The following DSG1 variants were observed in gnomAD, a reference collection of about 807,000 sequenced individuals.
The protein encoded by DSG1 is desmoglein 1.
A neutral mutation model predicts 97.5 loss-of-function variants in DSG1; 39 were observed. That is an observed-to-expected ratio of 0.40 (90% confidence interval 0.31 to 0.52). The LOEUF is 0.52. Ranked by LOEUF, DSG1 falls within the 20% of genes least tolerant of loss-of-function variation. The pLI is 0.53. For synonymous variants in DSG1, 475 were observed against 443.4 expected (o/e 1.07, Z -0.90); for missense variants, 1,311 against 1,295.4 (o/e 1.01, Z -0.18).
At chr18:31,327,126 A>G (rs2071690633) in intron 3 of DSG1, 121 bp downstream of exon 3, 2 of 1,292,618 alleles carry the variant, frequency 1.5e-6, no homozygotes, top group Non-Finnish European at 2.2e-6. Context: ...GAACAGAACT[A>G]TAGTCACCTA....
chr18:31,354,119 A>G, intron 14 of DSG1, 178 bp from the exon 15 acceptor site: 1 of 617,674 alleles, frequency 1.6e-6, no homozygotes, highest in East Asian at 2.8e-5. Context: ...ATGATTTCTA[A>G]CCAAATTATT....
In DSG1 at chr18:31,338,163, T is replaced by G. The variant is rs934988947; in HGVS notation, c.1266-152T>G. On this transcript the variant is annotated intron_variant, in intron 9 of 14. Transcript: ENST00000257192. ...ATATCCCTGAGTGGCTCCATATTGC[T>G]AAGACTGCCCTGAAAAAAAATAAAG... 23 of 800,568 alleles carry G rather than the reference T, an allele frequency of 2.9e-5. No individual in the cohort carries two copies. In the East Asian group the frequency reaches 6.1e-4, roughly 21 times the overall value. 49.6% of individuals were successfully genotyped at this position (800,568 alleles called of 1,614,324 possible). A position where few individuals can be genotyped will look rare whatever the true frequency, so the allele number is the denominator to read the frequency against.
rs774143873 is a variant in DSG1 at position 31,354,445 on chromosome 18, C to T, written c.2249C>T (p.Thr750Ile). ...GACCTGGATGACAGCTTCTTGGATA[C>T]CCTGGGACCTAAATTTAAGAAGTTG... The part of the protein sequence containing the change: ...GEDLDDSFLD[T>I]LGPKFKKLAD... The change falls in exon 15 of 15, where the codon ACC becomes ATC. Residue 750 changes from threonine (T) to isoleucine (I), a missense_variant. Physicochemically the swap from Thr to Ile is moderately conservative, Grantham distance 89. Coordinates refer to ENST00000257192, the MANE Select transcript of DSG1 (RefSeq NM_001942.4). 22 of 1,614,102 alleles carry T rather than the reference C, an allele frequency of 1.4e-5. No individual in the cohort carries two copies. The East Asian group carries it at 4.0e-4, about 29-fold the overall frequency.
chr18:31,325,731 A>G (rs2071681604), intron 1 of DSG1, among the ~76,000 whole-genome samples: 1 of 152,136 alleles, frequency 6.6e-6, no homozygotes, highest in African/African-American at 2.4e-5. Flanking sequence ...TCTTTGTAGC[A>G]TGCTTTTCTT....
intron 13 of DSG1, among the ~76,000 whole-genome samples, chr18:31,344,977 C>A (rs2144109239): frequency 6.6e-6 from 1 of 152,298 alleles, no homozygotes; most frequent in Non-Finnish European, 1.5e-5. Context: ...AAATCTATTT[C>A]TCCACCTGAT....
chr18:31,354,851 C>T lies in DSG1; in HGVS notation c.2655C>T (p.Asp885=). The part of the protein sequence containing the change: ...ADLHGMLEMP[D]LRDGSNVIVT... ...TGCATGGAATGTTAGAGATGCCTGA[C>T]TTGCGAGATGGGTCGAATGTTATAG... Residue 885 remains aspartate, a synonymous_variant, in exon 15 of 15, where the codon GAC becomes GAT. Coordinates refer to ENST00000257192, the MANE Select transcript of DSG1 (RefSeq NM_001942.4). 6.2e-7 allele frequency: 1 copy of T among 1,614,170 alleles called. No individual in the cohort carries two copies. The highest frequency in any genetic ancestry group is 8.5e-7 in the Non-Finnish European group (1 of 1,180,024).
At chr18:31,347,144 G>A (rs1325639202) in intron 14 of DSG1, among the ~76,000 whole-genome samples, 2 of 152,052 alleles carry the variant, frequency 1.3e-5, no homozygotes, top group African/African-American at 4.8e-5. Flanking sequence ...CCTAGTGGTT[G>A]GTTTAAAGAG....
At chr18:31,334,283 T>G in intron 8 of DSG1, 81 bp downstream of exon 8, 1 of 1,012,398 alleles carries the variant, frequency 9.9e-7, no homozygotes, top group Non-Finnish European at 1.5e-6. Flanking sequence ...GATGCTAACA[T>G]TTCACAAACT....
intron 4 of DSG1, among the ~76,000 whole-genome samples, chr18:31,328,671 A>G (rs1012529572): frequency 6.6e-6 from 1 of 152,074 alleles, no homozygotes; most frequent in Admixed American, 6.6e-5. Context: ...TTTAAGTCTA[A>G]TGTCAAGTAA....
intron 5 of DSG1, 66 bp downstream of exon 5, chr18:31,330,102 G>A: frequency 6.4e-7 from 1 of 1,550,844 alleles, no homozygotes. Context: ...ACTAAACTAT[G>A]TCAAAGTACA....
rs10468900 is a variant in DSG1, at chr18:31,339,381, A to T, written c.1406-363A>T. On this transcript the variant is annotated intron_variant, in intron 10 of 14. Coordinates refer to ENST00000257192, the MANE Select transcript of DSG1 (RefSeq NM_001942.4). ...TAATTAAGGACAAAAGATCATTTTTAAAAATATCAGCAGGTGTCGTCCTTG... is the reference window on the plus strand; with the variant it reads ...TAATTAAGGACAAAAGATCATTTTTTAAAATATCAGCAGGTGTCGTCCTTG... Among the ~76,000 whole-genome samples the T allele has an allele frequency of 5.2e-3, 786 of 152,238 alleles. 6 individuals carry two copies. Among genetic ancestry groups the T allele is most frequent in the African/African-American group, 0.018 (755 of 41,572 alleles).
intron 13 of DSG1, among the ~76,000 whole-genome samples, chr18:31,344,260 T>A (rs552875646): frequency 1.4e-4 from 21 of 152,296 alleles, no homozygotes; most frequent in African/African-American, 4.3e-4. Context: ...GCAGAAGTAC[T>A]GAATTGTAAC....
intron 13 of DSG1, 151 bp from the exon 14 acceptor site, chr18:31,345,839 T>G: frequency 1.6e-6 from 1 of 631,684 alleles, no homozygotes; most frequent in Non-Finnish European, 2.8e-6. Context: ...CAATATTGTA[T>G]TTATATCTCC....
At position 31,355,544 on chromosome 18, in the gene DSG1, C is replaced by T; in HGVS notation, c.*198C>T. Reference sequence around the variant, plus strand: ...CTCCTTAGCATTCATAAACTTTTCTCTTATATTAGGACTAAGGAACTAAAA... The same window carrying T: ...CTCCTTAGCATTCATAAACTTTTCTTTTATATTAGGACTAAGGAACTAAAA... On this transcript the variant is annotated 3_prime_UTR_variant, in exon 15 of 15. Transcript: ENST00000257192. 2 of 630,368 alleles carry T rather than the reference C, an allele frequency of 3.2e-6. No homozygotes were observed. Among genetic ancestry groups the T allele is most frequent in the Non-Finnish European group, 5.5e-6 (2 of 362,354 alleles). 39.0% of individuals were successfully genotyped at this position (630,368 alleles called of 1,614,324 possible). A position where few individuals can be genotyped will look rare whatever the true frequency, so the allele number is the denominator to read the frequency against.
chr18:31,334,379 A>G (rs1303341371), intron 8 of DSG1, among the ~76,000 whole-genome samples, 177 bp downstream of exon 8: 1 of 152,124 alleles, frequency 6.6e-6, no homozygotes, highest in East Asian at 1.9e-4. Flanking sequence ...GCTTATAATC[A>G]TTTTAGAAAA....
chr18:31,353,541 G>A (rs566250097), intron 14 of DSG1, among the ~76,000 whole-genome samples: 1 of 152,226 alleles, frequency 6.6e-6, no homozygotes, highest in Non-Finnish European at 1.5e-5. Flanking sequence ...AATCAAGCCT[G>A]GGCAATGGCG....
At position 31,346,165 on chromosome 18, in the gene DSG1, G is replaced by A; in HGVS notation, c.2067G>A (p.Leu689=). 1 of 1,613,870 alleles carries A rather than the reference G, an allele frequency of 6.2e-7. No homozygotes were observed. Residue 689 remains leucine, a synonymous_variant, in exon 14 of 15, where the codon CTG becomes CTA. Coordinates refer to ENST00000257192, the MANE Select transcript of DSG1 (RefSeq NM_001942.4). ...TGAGGGAATGTAGAGAAGGAGGTCT[G>A]AATATGAATTTCATGGAAAGCTACT... The part of the protein sequence containing the change: ...NSMRECREGG[L]NMNFMESYFC...
intron 14 of DSG1, among the ~76,000 whole-genome samples, chr18:31,352,799 G>A (rs1294674201): frequency 6.1e-5 from 9 of 146,582 alleles, no homozygotes; most frequent in African/African-American, 8.1e-5. Context: ...CGTAGTTCTC[G>A]AGCCTTGGTT....
At chr18:31,318,934 T>C (rs1598693810) in intron 1 of DSG1, among the ~76,000 whole-genome samples, 1 of 152,128 alleles carries the variant, frequency 6.6e-6, no homozygotes, top group East Asian at 1.9e-4. Flanking sequence ...ACATTTTTAA[T>C]TTCAAAAAAC....
Sources: allele counts gnomAD v4.1 joint callset (sites outside exome capture counted in the v4.1 genomes callset), GRCh38; gene constraint gnomAD v4.1.1; transcripts MANE v1.5; gene names NCBI Gene and HGNC (gene_info 2026-07-23, HGNC 2026-07-21).